Variants in EBF2 observed in about 807,000 individuals in gnomAD.
EBF2 encodes transcription factor COE2.
In EBF2, 21 loss-of-function variants were observed where a neutral mutation model predicts 72.8. The observed-to-expected ratio is 0.29, with a 90% CI of 0.20 to 0.42. The LOEUF is 0.42. Among genes scored for constraint, EBF2 ranks in the 10% least tolerant of loss-of-function variants. EBF2 has a pLI of 1.00. For missense variants in EBF2, 637 were observed against 731.2 expected (o/e 0.87, Z 1.49); for synonymous variants, 299 against 274.2 (o/e 1.09, Z -0.89).
intron 6 of EBF2, among the ~76,000 whole-genome samples, chr8:26,005,025 A>G (rs1175761473): frequency 6.6e-6 from 1 of 150,754 alleles, no homozygotes; most frequent in South Asian, 2.1e-4. Context: ...AGAAATAGAA[A>G]GAAGATCATT....
chr8:25,860,740 C>T (rs1802198423), intron 13 of EBF2, among the ~76,000 whole-genome samples: 2 of 152,104 alleles, frequency 1.3e-5, no homozygotes, highest in African/African-American at 4.8e-5. Flanking sequence ...TGGTCTCAAA[C>T]TCCAGGGCTC....
chr8:26,041,719 G>C (rs895642045), intron 2 of EBF2, among the ~76,000 whole-genome samples: 3 of 152,190 alleles, frequency 2.0e-5, no homozygotes, highest in African/African-American at 7.2e-5. Flanking sequence ...ACTTAGTGCC[G>C]CAACTCAGGC....
At chr8:26,012,475 T>C (rs1225373328) in intron 6 of EBF2, among the ~76,000 whole-genome samples, 2 of 152,210 alleles carry the variant, frequency 1.3e-5, no homozygotes, top group Non-Finnish European at 2.9e-5. Flanking sequence ...TAAATTTATT[T>C]CTCTATTCTC....
intron 6 of EBF2, among the ~76,000 whole-genome samples, chr8:25,999,961 C>A (rs1321136787): frequency 6.6e-6 from 1 of 152,142 alleles, no homozygotes. Context: ...GAACTCAAGG[C>A]AGTAGCACTA....
chr8:25,946,878 T>C (rs1803777080), intron 6 of EBF2, among the ~76,000 whole-genome samples: 2 of 152,220 alleles, frequency 1.3e-5, no homozygotes, highest in Admixed American at 6.5e-5. Flanking sequence ...GATGGTAAAA[T>C]GGTTACTGTA....
intron 6 of EBF2, among the ~76,000 whole-genome samples, chr8:25,970,494 T>C (rs1804173924): frequency 6.6e-6 from 1 of 152,128 alleles, no homozygotes; most frequent in African/African-American, 2.4e-5. Flanking sequence ...ACAAACCAGA[T>C]GGGTCTCAGT....
intron 6 of EBF2, among the ~76,000 whole-genome samples, chr8:26,002,119 C>T (rs1246695422): frequency 6.6e-6 from 1 of 152,108 alleles, no homozygotes; most frequent in Non-Finnish European, 1.5e-5. Context: ...ACATAAGGAT[C>T]CCAGGCCACT....
intron 13 of EBF2, 74 bp downstream of exon 13, chr8:25,860,975 C>G: frequency 6.4e-7 from 1 of 1,564,920 alleles, no homozygotes; most frequent in Admixed American, 1.7e-5. Context: ...ATGACCCAAC[C>G]TCTGACTCTG....
At chr8:25,871,680 T>C (rs1802441874) in intron 10 of EBF2, among the ~76,000 whole-genome samples, 1 of 152,194 alleles carries the variant, frequency 6.6e-6, no homozygotes, top group South Asian at 2.1e-4. Context: ...TCGGGTTTGC[T>C]TAAGGAGTTT....
chr8:25,856,277 T>C (rs868623480), intron 14 of EBF2, among the ~76,000 whole-genome samples: 1 of 152,156 alleles, frequency 6.6e-6, no homozygotes, highest in African/African-American at 2.4e-5. Context: ...TAGATTATGA[T>C]TGAATGATAT....
Position 26,044,657 on chromosome 8 carries a change from G to GA in EBF2, c.131+71_131+72insT. The GA allele has an allele frequency of 6.8e-7, 1 of 1,471,658 alleles. No homozygotes were observed. The highest frequency in any genetic ancestry group is 9.0e-7 in the Non-Finnish European group (1 of 1,111,106). The allele number at this position is 1,471,658 out of a possible 1,614,324, so 91.2% of individuals were successfully genotyped here. On this transcript the variant is annotated intron_variant, in intron 1 of 15. Transcript: ENST00000520164. This position sits in a 1 kb window ranked among gnomAD's most constrained non-coding sequence, Gnocchi z 4.1. ...GAGAGAGAAAGGCACGGGGTGCGCG[G>GA]GGGGGGTGCACACGGAGAGACAGAC...
At chr8:25,865,746 C>G (rs1348122385) in intron 10 of EBF2, among the ~76,000 whole-genome samples, 1 of 150,816 alleles carries the variant, frequency 6.6e-6, no homozygotes, top group Non-Finnish European at 1.5e-5. Context: ...CTTAACCAGG[C>G]CAGGCGCAGT....
intron 15 of EBF2, 53 bp downstream of exon 15, chr8:25,850,541 C>A: frequency 6.8e-7 from 1 of 1,470,564 alleles, no homozygotes; most frequent in Admixed American, 2.7e-5. Context: ...TTTGCTCTTA[C>A]TTTGCCAACC....
At chr8:26,027,122 T>C (rs1406399885) in intron 6 of EBF2, among the ~76,000 whole-genome samples, 1 of 152,194 alleles carries the variant, frequency 6.6e-6, no homozygotes, top group East Asian at 1.9e-4. Flanking sequence ...TACGTCACCT[T>C]GTAGATATAA....
rs1422766340 is a variant in EBF2 at position 26,044,493 on chromosome 8, G to A, written c.131+236C>T. 1.3e-5 allele frequency among the ~76,000 whole-genome samples: 2 copies of A among 152,230 alleles called. No individual in the cohort carries two copies. Among genetic ancestry groups the A allele is most frequent in the Non-Finnish European group, 2.9e-5 (2 of 68,050 alleles). On this transcript the variant is annotated intron_variant, in intron 1 of 15. Transcript: ENST00000520164. This position sits in a 1 kb window ranked among gnomAD's most constrained non-coding sequence, Gnocchi z 4.1. Reference sequence around the variant, plus strand: ...AAGAGTGGACTGTGGTAAAGGAGAGGGAGAGAAACGCCTACGACCCAGGCA... The same window carrying A: ...AAGAGTGGACTGTGGTAAAGGAGAGAGAGAGAAACGCCTACGACCCAGGCA...
In EBF2 at chr8:25,880,327, A is replaced by G. The variant is rs2117283022; in HGVS notation, c.1009+6428T>C. ...GGCCTCAATGTTCACAAGTCTCAAA[A>G]TGATAATTATTCTTTAAACCTGTAA... On this transcript the variant is annotated intron_variant, in intron 10 of 15. Coordinates refer to ENST00000520164, the MANE Select transcript of EBF2 (RefSeq NM_022659.4). Among the ~76,000 whole-genome samples the G allele has an allele frequency of 2.0e-5, 3 of 152,314 alleles. No individual in the cohort carries two copies. In the Middle Eastern group the frequency reaches 0.01, roughly 518 times the overall value.
At chr8:26,020,944 C>A (rs577435797) in intron 6 of EBF2, among the ~76,000 whole-genome samples, 1 of 152,248 alleles carries the variant, frequency 6.6e-6, no homozygotes, top group East Asian at 1.9e-4. Context: ...TCAGCCACAA[C>A]CAAGAAGAGA....
chr8:25,958,063 A>T (rs569424631), intron 6 of EBF2, among the ~76,000 whole-genome samples: 1 of 152,296 alleles, frequency 6.6e-6, no homozygotes, highest in Admixed American at 6.5e-5. Flanking sequence ...ATGTCTTCTC[A>T]TGAGCCTCCC....
chr8:25,906,259 C>T (rs1803029591), intron 7 of EBF2, among the ~76,000 whole-genome samples: 1 of 152,192 alleles, frequency 6.6e-6, no homozygotes, highest in South Asian at 2.1e-4. Flanking sequence ...AAAATCCAAA[C>T]TGCCAACTCT....
Sources: gnomAD v4.1 joint callset for allele counts (sites outside exome capture counted in the v4.1 genomes callset) on GRCh38, gnomAD v4.1.1 for gene constraint, Gnocchi (gnomAD v3.1) non-coding constraint, MANE v1.5 for transcripts, NCBI Gene and HGNC (gene_info 2026-07-23, HGNC 2026-07-21) for gene names.